Variants in KLF8 observed in about 807,000 individuals in gnomAD.
KLF8 encodes Krueppel-like factor 8.
Under a neutral mutation model 18.2 loss-of-function variants are expected in KLF8, and 10 were observed. That is an observed-to-expected ratio of 0.55 (90% CI 0.34 to 0.93). The LOEUF is 0.93. KLF8 is among the 40% of genes least tolerant of loss of function. The probability of loss-of-function intolerance (pLI) is 0.02; values close to 1 mark genes in which losing one functional copy is unlikely to be tolerated. For missense variants in KLF8, 264 were observed against 277.9 expected, an observed-to-expected ratio of 0.95 and a Z score of 0.36; for synonymous variants, 109 against 97.3, an observed-to-expected ratio of 1.12 and a Z score of -0.71.
the KLF8 span, among the ~76,000 whole-genome samples, chrX:55,928,701 C>T: frequency 8.9e-6 from 1 of 111,932 alleles, no homozygotes; most frequent in Admixed American, 9.5e-5. Flanking sequence ...AACATGAACT[C>T]ATCCTTTTTC....
the KLF8 span, among the ~76,000 whole-genome samples, chrX:56,047,238 T>A: frequency 9.1e-6 from 1 of 110,182 alleles, no homozygotes; most frequent in Admixed American, 9.7e-5. Flanking sequence ...TTATGCTATG[T>A]ATTTGTCTTT....
At chrX:56,167,369 A>T in the KLF8 span, among the ~76,000 whole-genome samples, 1 of 111,649 alleles carries the variant, frequency 9.0e-6, no homozygotes, top group African/African-American at 3.3e-5. Context: ...ACCTCAAATG[A>T]TCTGCTCGTC....
chrX:56,146,777 T>G, the KLF8 span, among the ~76,000 whole-genome samples: 4 of 111,472 alleles, frequency 3.6e-5, no homozygotes, highest in Admixed American at 9.5e-5. Flanking sequence ...GTGTTCAAGA[T>G]TCTACCCAGA....
At chrX:55,954,277 A>T in the KLF8 span, among the ~76,000 whole-genome samples, 1 of 111,705 alleles carries the variant, frequency 9.0e-6, no homozygotes, top group African/African-American at 3.2e-5. Context: ...AAACCATCTT[A>T]CTACAAGGAA....
the KLF8 span, among the ~76,000 whole-genome samples, chrX:56,125,033 A>C: frequency 6.5e-4 from 73 of 112,341 alleles, 1 homozygote; most frequent in African/African-American, 2.3e-3. Context: ...GAGTCACTTC[A>C]GTGTCTGCAC....
chrX:56,049,782 A>C, the KLF8 span, among the ~76,000 whole-genome samples: 1 of 110,682 alleles, frequency 9.0e-6, no homozygotes, highest in Non-Finnish European at 1.9e-5. Flanking sequence ...CTGGCCTCAT[A>C]AAATGAGTTA....
At chrX:56,246,968 T>A (rs1345733419) in intron 1 of KLF8, among the ~76,000 whole-genome samples, 1 of 111,758 alleles carries the variant, frequency 8.9e-6, no homozygotes. Flanking sequence ...GTGGTGATAA[T>A]AGCTAACTGA....
At chrX:55,947,105 A>C in the KLF8 span, among the ~76,000 whole-genome samples, 1 of 111,342 alleles carries the variant, frequency 9.0e-6, no homozygotes, top group Admixed American at 9.5e-5. Flanking sequence ...TAGAACTAGA[A>C]ATACCATTTG....
chrX:56,100,560 G>A, the KLF8 span, among the ~76,000 whole-genome samples: 1 of 112,188 alleles, frequency 8.9e-6, no homozygotes, highest in Non-Finnish European at 1.9e-5. Context: ...TGAAGGGTTT[G>A]TCATTCTAGG....
chrX:56,164,729 C>CTTTTTTTTTTTTT, the KLF8 span, among the ~76,000 whole-genome samples: 2 of 51,920 alleles, frequency 3.9e-5, no homozygotes, highest in African/African-American at 8.6e-5. Flanking sequence ...CTTGTTATCT[C>CTTTTTTTTTTTTT]TTTTTTTTTT....
At chrX:56,151,141 G>A in the KLF8 span, among the ~76,000 whole-genome samples, 1 of 111,637 alleles carries the variant, frequency 9.0e-6, no homozygotes, top group African/African-American at 3.3e-5. Context: ...AAGCAAGTTG[G>A]GGCTGAAGAC....
the KLF8 span, among the ~76,000 whole-genome samples, chrX:55,974,628 G>A: frequency 8.9e-6 from 1 of 112,206 alleles, no homozygotes; most frequent in Non-Finnish European, 1.9e-5. Context: ...CTGATGAGTA[G>A]TATTTACTTA....
the KLF8 span, among the ~76,000 whole-genome samples, chrX:56,172,169 C>G: frequency 9.1e-6 from 1 of 109,891 alleles, no homozygotes; most frequent in African/African-American, 3.3e-5. Flanking sequence ...AGGTTAGTTA[C>G]AAATGTATAC....
chrX:56,262,691 G>A (rs1220490403), intron 2 of KLF8, among the ~76,000 whole-genome samples: 1 of 110,919 alleles, frequency 9.0e-6, no homozygotes, highest in African/African-American at 3.3e-5. Context: ...GTGTGACAGA[G>A]TCTCATTCTG....
chrX:56,029,015 A>C, the KLF8 span, among the ~76,000 whole-genome samples: 1 of 110,618 alleles, frequency 9.0e-6, no homozygotes, highest in Non-Finnish European at 1.9e-5. Context: ...AAAGCTTTCA[A>C]GTGTCTAAAA....
chrX:56,172,996 T>A, the KLF8 span, among the ~76,000 whole-genome samples: 5 of 112,276 alleles, frequency 4.5e-5, no homozygotes, highest in Admixed American at 2.8e-4. Flanking sequence ...ATTCTGGATA[T>A]TAACCCTTTG....
At chrX:56,125,270 T>C in the KLF8 span, among the ~76,000 whole-genome samples, 3 of 111,890 alleles carry the variant, frequency 2.7e-5, no homozygotes, top group Admixed American at 9.5e-5. Context: ...GAAAACAACT[T>C]CTCAGTGTCT....
the KLF8 span, among the ~76,000 whole-genome samples, chrX:56,123,309 G>GAAAGAAAGAAAGAAAAGAAAAGA: frequency 4.3e-4 from 46 of 108,156 alleles, no homozygotes; most frequent in African/African-American, 1.5e-3. Context: ...GAGAAAGAAA[G>GAAAGAAAGAAAGAAAAGAAAAGA]AAAGAAAAGA....
chrX:55,961,921 A>G, the KLF8 span: 6 of 200,562 alleles, frequency 3.0e-5, no homozygotes, highest in East Asian at 1.3e-4. Context: ...ATTCTTTGAC[A>G]TGGCCTAGCA....
Sources: allele counts gnomAD v4.1 joint callset (sites outside exome capture counted in the v4.1 genomes callset), GRCh38; gene constraint gnomAD v4.1.1; transcripts MANE v1.5; gene names NCBI Gene and HGNC (gene_info 2026-07-23, HGNC 2026-07-21).